SLC49A3: variants seen among roughly 807,000 people sequenced by gnomAD.
SLC49A3 encodes solute carrier family 49 member A3.
In SLC49A3, 50 loss-of-function variants were observed where a neutral mutation model predicts 43.8. The observed-to-expected ratio is 1.14, with a 90% CI of 0.91 to 1.45. The LOEUF (loss-of-function observed/expected upper bound fraction) is 1.45, where lower values mean the gene tolerates loss of function less well. SLC49A3 is among the 40% of genes most tolerant of loss of function. The pLI is 0.00. For synonymous variants in SLC49A3, 413 were observed against 352.0 expected (o/e 1.17, Z -1.94); for missense variants, 906 against 774.1 (o/e 1.17, Z -2.02).
In SLC49A3 at chr4:683,767, G is replaced by A. The variant is rs754536795; in HGVS notation, c.841-6C>T. The stretch of plus-strand genomic sequence containing the variant: ...CCACAGAGGCCGGAAAACCCCTGGA[G>A]GAGGCGAGAAGAGGCCAGGGCCCCA... On this transcript the variant is annotated splice_polypyrimidine_tract_variant and splice_region_variant and intron_variant, in intron 6 of 9. Transcript: ENST00000322224. 6.4e-7 allele frequency: 1 copy of A among 1,555,786 alleles called. No homozygotes were observed.
chr4:683,175 C>A, intron 8 of SLC49A3, 35 bp downstream of exon 8: 1 of 1,612,340 alleles, frequency 6.2e-7, no homozygotes, highest in East Asian at 2.2e-5. Context: ...AGGGGAGTAT[C>A]TCTGGGGTTG....
upstream of SLC49A3, among the ~76,000 whole-genome samples, chr4:689,664 A>C (rs1050684439): frequency 2.0e-5 from 3 of 152,268 alleles, no homozygotes; most frequent in African/African-American, 7.2e-5. Flanking sequence ...GAGGGGCTGC[A>C]GGCCAAGGCT....
downstream of SLC49A3, chr4:679,211 G>T: frequency 1.4e-6 from 1 of 724,556 alleles, no homozygotes. Flanking sequence ...ATCAGAGCTG[G>T]CAGAGAGCAT....
In SLC49A3 at chr4:686,081, G is replaced by A; in HGVS notation, c.508+8C>T. Reference sequence around the variant, plus strand: ...CCCAGGCAGGCGGCCTCCCTCCCCGGAACTCACACATGGTGGCGAGCATGT... The same window carrying A: ...CCCAGGCAGGCGGCCTCCCTCCCCGAAACTCACACATGGTGGCGAGCATGT... On this transcript the variant is annotated splice_region_variant and intron_variant, in intron 3 of 9. Coordinates refer to ENST00000322224, the MANE Select transcript of SLC49A3 (RefSeq NM_032219.4). The A allele has an allele frequency of 6.2e-7, 1 of 1,612,856 alleles. No individual in the cohort carries two copies. Among genetic ancestry groups the A allele is most frequent in the Non-Finnish European group, 8.5e-7 (1 of 1,179,900 alleles).
chr4:678,595 T>C (rs966683052), downstream of SLC49A3: 3 of 1,550,306 alleles, frequency 1.9e-6, no homozygotes, highest in African/African-American at 4.1e-5. Flanking sequence ...CTCAAAACTC[T>C]GGGTGCCCTG....
At chr4:683,571 AC>A in intron 7 of SLC49A3, 37 bp downstream of exon 7, 1 of 934,502 alleles carries the variant, frequency 1.1e-6, no homozygotes, top group Non-Finnish European at 1.6e-6. Context: ...CCACCCACCC[AC>A]CCCCACAGGG....
chr4:685,715 G>A lies in SLC49A3; in HGVS notation c.585+120C>T, dbSNP rs1421964038. The A allele has an allele frequency of 6.7e-6, 7 of 1,052,222 alleles. No homozygotes were observed. The highest frequency in any genetic ancestry group is 1.6e-5 in the African/African-American group (1 of 63,162). 65.2% of individuals were successfully genotyped at this position (1,052,222 alleles called of 1,614,324 possible). On this transcript the variant is annotated intron_variant, in intron 4 of 9. Coordinates refer to ENST00000322224, the MANE Select transcript of SLC49A3 (RefSeq NM_032219.4). This position sits in a 1 kb window ranked among gnomAD's most constrained non-coding sequence, Gnocchi z 4.3. ...GCTGAGACTCCTTCTCGGGTGGCGG[G>A]GCGGGGGACGGGAATCACACACGGG...
chr4:679,133 C>T, downstream of SLC49A3: 1 of 935,470 alleles, frequency 1.1e-6, no homozygotes, highest in Non-Finnish European at 1.5e-6. Context: ...GGAGCCAGGG[C>T]CCGCGCCTCA....
At position 683,362 on chromosome 4, in the gene SLC49A3, G is replaced by A. The variant is rs1449443385; in HGVS notation, c.999C>T (p.Ser333=). ...SLACVPFALV[S]QLQGQTLALA... is the part of the protein sequence containing the mutation. ...GGGCAAGGGTCTGTCCCTGCAGCTGGGACACCTGGGAGCAGCGGAACGGCA... is the reference window on the plus strand; with the variant it reads ...GGGCAAGGGTCTGTCCCTGCAGCTGAGACACCTGGGAGCAGCGGAACGGCA... The change falls in exon 8 of 10, where the codon TCC becomes TCT. Residue 333 remains serine, a synonymous_variant. Coordinates refer to ENST00000322224, the MANE Select transcript of SLC49A3 (RefSeq NM_032219.4). 2 of 1,609,272 alleles carry A rather than the reference G, an allele frequency of 1.2e-6. No individual in the cohort carries two copies. Among genetic ancestry groups the A allele is most frequent in the South Asian group, 2.2e-5 (2 of 90,882 alleles).
At chr4:686,013 G>C in intron 3 of SLC49A3, 76 bp downstream of exon 3, 2 of 1,606,938 alleles carry the variant, frequency 1.2e-6, no homozygotes. Flanking sequence ...ACCCTGGCCA[G>C]AGAGCCTGGG....
In SLC49A3 at chr4:682,468, C is replaced by T. The variant is rs977776950; in HGVS notation, c.1262-92G>A. 3.2e-6 allele frequency: 4 copies of T among 1,239,746 alleles called. No homozygotes were observed. In the East Asian group the frequency reaches 1.2e-4, roughly 37 times the overall value. 76.8% of individuals were successfully genotyped at this position (1,239,746 alleles called of 1,614,324 possible). ...GCTGGCCTATGGTGACCCCACTACC[C>T]TTGACCACAGAGTGACCCCAGACGG... On this transcript the variant is annotated intron_variant, in intron 9 of 9. Transcript: ENST00000322224.
rs1741132964 is a variant in SLC49A3, at chr4:686,796, C to T, written c.136-106G>A. On this transcript the variant is annotated intron_variant, in intron 1 of 9. Coordinates refer to ENST00000322224, the MANE Select transcript of SLC49A3 (RefSeq NM_032219.4). ...CAGAGTGCCAGCAGCCCCGTGAGGCCGAGGGGACACAGCGAGCTGGACACG... is the reference window on the plus strand; with the variant it reads ...CAGAGTGCCAGCAGCCCCGTGAGGCTGAGGGGACACAGCGAGCTGGACACG... The T allele has an allele frequency of 2.8e-6, 4 of 1,404,458 alleles. 1 individual carries two copies. The highest frequency in any genetic ancestry group is 2.7e-5 in the South Asian group (2 of 75,436). The allele number at this position is 1,404,458 out of a possible 1,614,324, so 87.0% of individuals were successfully genotyped here. A position where few individuals can be genotyped will look rare whatever the true frequency, so the allele number is the denominator to read the frequency against.
upstream of SLC49A3, among the ~76,000 whole-genome samples, chr4:691,521 G>A (rs1351371712): frequency 3.3e-5 from 5 of 151,482 alleles, no homozygotes; most frequent in African/African-American, 1.2e-4. Context: ...ATTAAACCCG[G>A]GAGGCAGAGG....
rs201373487 is a variant in SLC49A3, at chr4:683,270, G to A, written c.1091C>T (p.Ala364Val). ...CCCCACGGGGAAGGAACACTCGACCGCCAACTCCATGGCCACGGGGCCCAC... is the reference window on the plus strand; with the variant it reads ...CCCCACGGGGAAGGAACACTCGACCACCAACTCCATGGCCACGGGGCCCAC... Reference protein sequence around the residue: ...FSVGPVAMELAVECSFPVGEG... With the variant: ...FSVGPVAMELVVECSFPVGEG... The change falls in exon 8 of 10, where the codon GCG becomes GTG. Residue 364 changes from alanine (A) to valine (V), a missense_variant. By Grantham distance (64) the Ala-to-Val change is moderately conservative (BLOSUM62 0). Transcript: ENST00000322224. 1.5e-4 allele frequency: 248 copies of A among 1,612,702 alleles called. No individual in the cohort carries two copies. The highest frequency in any genetic ancestry group is 1.8e-4 in the Non-Finnish European group (212 of 1,179,888).
chr4:682,590 C>T (rs1264302614), intron 9 of SLC49A3, among the ~76,000 whole-genome samples, 191 bp downstream of exon 9: 1 of 152,176 alleles, frequency 6.6e-6, no homozygotes, highest in Non-Finnish European at 1.5e-5. Flanking sequence ...ATGGGTGTGC[C>T]AGCCCCATCT....
chr4:681,183 G>T, downstream of SLC49A3: 1 of 1,576,370 alleles, frequency 6.3e-7, no homozygotes. Context: ...AGGGGAGGGC[G>T]GGGCTCCCGG....
At chr4:688,241 C>A (rs891992223) in intron 1 of SLC49A3, among the ~76,000 whole-genome samples, 8 of 152,108 alleles carry the variant, frequency 5.3e-5, no homozygotes, top group African/African-American at 1.9e-4. Flanking sequence ...TCCAGCAGAT[C>A]CCGGGCCTGT....
chr4:691,413 G>T (rs1295513347), upstream of SLC49A3, among the ~76,000 whole-genome samples: 1 of 150,326 alleles, frequency 6.7e-6, no homozygotes, highest in Non-Finnish European at 1.5e-5. Context: ...GGCCAATATG[G>T]TGAAACCGTC....
chr4:680,110 C>A (rs1361844350), downstream of SLC49A3: 7 of 1,247,882 alleles, frequency 5.6e-6, no homozygotes, highest in East Asian at 1.5e-4. Context: ...CTTTTCCAAT[C>A]TCTGGAGAAG....
Sources: allele counts gnomAD v4.1 joint callset (sites outside exome capture counted in the v4.1 genomes callset), GRCh38; gene constraint gnomAD v4.1.1; non-coding constraint Gnocchi (gnomAD v3.1); transcripts MANE v1.5; gene names NCBI Gene and HGNC (gene_info 2026-07-23, HGNC 2026-07-21).